Variants in PCDH9 observed in about 807,000 individuals in gnomAD.
PCDH9 encodes protocadherin 9.
Under a neutral mutation model 70.6 loss-of-function variants are expected in PCDH9, and 24 were observed. That is an observed-to-expected ratio of 0.34 (90% CI 0.25 to 0.48). PCDH9 has a LOEUF of 0.48. Ranked by LOEUF, PCDH9 falls within the 20% of genes least tolerant of loss-of-function variation. PCDH9 has a pLI of 0.99. For missense variants in PCDH9, 1,281 were observed against 1,503.6 expected (o/e 0.85, Z 2.45); for synonymous variants, 562 against 558.5 (o/e 1.01, Z -0.09).
At chr13:66,778,523 G>A (rs1039229790) in intron 3 of PCDH9, among the ~76,000 whole-genome samples, 1 of 152,158 alleles carries the variant, frequency 6.6e-6, no homozygotes, top group African/African-American at 2.4e-5. Context: ...GCCTGTCACA[G>A]TGTAGCTCAA....
chr13:66,816,528 C>T (rs944710751), intron 3 of PCDH9, among the ~76,000 whole-genome samples: 27 of 152,170 alleles, frequency 1.8e-4, no homozygotes, highest in African/African-American at 6.0e-4. Flanking sequence ...TCTAAGTTAG[C>T]ATTAATGTTC....
rs750200847 is a variant in PCDH9 at position 67,228,298 on chromosome 13, T to A, written c.143A>T (p.Asn48Ile). 1 of 1,614,186 alleles carries A rather than the reference T, an allele frequency of 6.2e-7. No individual in the cohort carries two copies. The highest frequency in any genetic ancestry group is 1.7e-5 in the Admixed American group (1 of 60,018). Reference sequence around the variant, plus strand: ...TGTGGCAGCATTGATGTGAGAAATGTTCAGATCCTTTGGTATGTTTCCTAT... The same window carrying A: ...TGTGGCAGCATTGATGTGAGAAATGATCAGATCCTTTGGTATGTTTCCTAT... Reference protein sequence around the residue: ...VPIGNIPKDLNISHINAATGT... With the variant: ...VPIGNIPKDLIISHINAATGT... Residue 48 changes from asparagine (N) to isoleucine (I), a missense_variant, in exon 2 of 5, where the codon AAC becomes ATC. This residue lies in a region of PCDH9 where 798 missense variants were observed against 1,003.1 expected (regional missense o/e 0.80). Transcript: ENST00000377865.
intron 4 of PCDH9, among the ~76,000 whole-genome samples, chr13:66,554,987 T>C (rs1488070783): frequency 6.6e-6 from 1 of 152,058 alleles, no homozygotes; most frequent in African/African-American, 2.4e-5. Flanking sequence ...CTGACCAACA[T>C]GGAGAAACCC....
intron 2 of PCDH9, among the ~76,000 whole-genome samples, chr13:66,960,901 T>G (rs924779690): frequency 6.6e-6 from 1 of 152,138 alleles, no homozygotes; most frequent in African/African-American, 2.4e-5. Flanking sequence ...GGTTAACCTG[T>G]TTAGAGTATC....
At chr13:66,666,707 C>T (rs551429892) in intron 3 of PCDH9, among the ~76,000 whole-genome samples, 2 of 152,236 alleles carry the variant, frequency 1.3e-5, no homozygotes, top group South Asian at 4.1e-4. Flanking sequence ...GTTATTAATA[C>T]TGATTCAAAA....
At chr13:67,094,505 A>C (rs1050734875) in intron 2 of PCDH9, among the ~76,000 whole-genome samples, 6 of 152,294 alleles carry the variant, frequency 3.9e-5, no homozygotes, top group African/African-American at 1.4e-4. Flanking sequence ...CTACCCTTAG[A>C]AACACGTATT....
intron 4 of PCDH9, among the ~76,000 whole-genome samples, chr13:66,430,272 C>T (rs1280095408): frequency 6.6e-6 from 1 of 151,996 alleles, no homozygotes; most frequent in African/African-American, 2.4e-5. Flanking sequence ...GATCATGCAA[C>T]ACATTGAATT....
intron 2 of PCDH9, among the ~76,000 whole-genome samples, chr13:67,039,603 T>C (rs1439705597): frequency 1.3e-5 from 2 of 152,210 alleles, no homozygotes; most frequent in East Asian, 3.8e-4. Flanking sequence ...CTTTCCATTG[T>C]GTGTGGGCAA....
chr13:67,087,310 CT>C (rs2086128765), intron 2 of PCDH9, among the ~76,000 whole-genome samples: 1 of 151,854 alleles, frequency 6.6e-6, no homozygotes, highest in South Asian at 2.1e-4. Flanking sequence ...AGTTTTAGGC[CT>C]TAGAAAAGCA....
At chr13:67,151,650 T>G (rs1202069283) in intron 2 of PCDH9, among the ~76,000 whole-genome samples, 1 of 152,060 alleles carries the variant, frequency 6.6e-6, no homozygotes, top group East Asian at 1.9e-4. Flanking sequence ...AATATATCCC[T>G]TCTACAAGCT....
In PCDH9 at chr13:66,849,507, T is replaced by TAGAGAG. The variant is rs1302157476; in HGVS notation, c.3138+53996_3138+53997insCTCTCT. Reference sequence around the variant, plus strand: ...GTAGGTATATATATATATATATATATATATATATATAGAGAGAGAGAGAGA... The same window carrying TAGAGAG: ...GTAGGTATATATATATATATATATATAGAGAGATATATATATAGAGAGAGAGAGAGA... On this transcript the variant is annotated intron_variant, in intron 3 of 4. Coordinates refer to ENST00000377865, the MANE Select transcript of PCDH9 (RefSeq NM_203487.3). 4.9e-3 allele frequency among the ~76,000 whole-genome samples: 442 copies of TAGAGAG among 89,888 alleles called. 2 individuals are homozygous for TAGAGAG. The highest frequency in any genetic ancestry group is 8.6e-3 in the South Asian group (22 of 2,558). 59.0% of individuals were successfully genotyped at this position (89,888 alleles called of 152,430 possible).
At chr13:66,916,457 C>A (rs548220278) in intron 2 of PCDH9, among the ~76,000 whole-genome samples, 11 of 151,614 alleles carry the variant, frequency 7.3e-5, no homozygotes, top group African/African-American at 2.7e-4. Context: ...ATAAAACACA[C>A]CTTTTATTTA....
At chr13:66,724,421 G>T (rs537937509) in intron 3 of PCDH9, among the ~76,000 whole-genome samples, 1 of 152,218 alleles carries the variant, frequency 6.6e-6, no homozygotes, top group South Asian at 2.1e-4. Flanking sequence ...ACATTGACAT[G>T]GATATCAATC....
chr13:66,345,363 T>C (rs1168283601), intron 4 of PCDH9, among the ~76,000 whole-genome samples: 2 of 152,112 alleles, frequency 1.3e-5, no homozygotes, highest in Non-Finnish European at 2.9e-5. Flanking sequence ...CACTGAGCTA[T>C]AATGAGGTAA....
intron 3 of PCDH9, among the ~76,000 whole-genome samples, chr13:66,735,137 G>A (rs1378011816): frequency 5.3e-5 from 8 of 152,294 alleles, no homozygotes; most frequent in Non-Finnish European, 8.8e-5. Context: ...AACAGATTGT[G>A]CTATTGACTT....
intron 3 of PCDH9, among the ~76,000 whole-genome samples, chr13:66,726,654 G>A (rs1210887977): frequency 1.3e-5 from 2 of 152,264 alleles, no homozygotes; most frequent in East Asian, 3.9e-4. Flanking sequence ...AATGCTTGAA[G>A]TAGCTTGAAT....
intron 4 of PCDH9, among the ~76,000 whole-genome samples, chr13:66,461,466 T>C (rs1161708243): frequency 1.3e-5 from 2 of 151,624 alleles, no homozygotes; most frequent in African/African-American, 4.8e-5. Flanking sequence ...AAATAATGGT[T>C]TTAGTTTAGC....
intron 4 of PCDH9, among the ~76,000 whole-genome samples, chr13:66,623,454 T>G (rs971232202): frequency 6.6e-6 from 1 of 152,156 alleles, no homozygotes; most frequent in Non-Finnish European, 1.5e-5. Flanking sequence ...TTTTTTTTGT[T>G]AAGAGACAGA....
intron 4 of PCDH9, among the ~76,000 whole-genome samples, chr13:66,313,524 T>G (rs1955599621): frequency 6.6e-6 from 1 of 152,198 alleles, no homozygotes; most frequent in South Asian, 2.1e-4. Context: ...GCCACTTACA[T>G]AATATTTTGT....
Sources: allele counts gnomAD v4.1 joint callset (sites outside exome capture counted in the v4.1 genomes callset), GRCh38; gene constraint gnomAD v4.1.1; regional missense constraint gnomAD v4.1.1; transcripts MANE v1.5; gene names NCBI Gene and HGNC (gene_info 2026-07-23, HGNC 2026-07-21).